Variants in STK39 observed in about 807,000 individuals in gnomAD.
STK39 encodes STE20/SPS1-related proline-alanine-rich protein kinase.
STK39 carries 20 observed loss-of-function variants against 77.8 expected under a neutral mutation model. The ratio of observed to expected loss-of-function variants is 0.26; its 90% CI spans 0.18 to 0.37. STK39 has a LOEUF of 0.37. Ranked by LOEUF, STK39 falls within the 10% of genes least tolerant of loss-of-function variation. The pLI is 1.00. For missense variants in STK39, 479 were observed against 656.5 expected (o/e 0.73, Z 2.95); for synonymous variants, 246 against 234.1 (o/e 1.05, Z -0.47).
At chr2:168,153,792 G>A (rs1402405910) in intron 5 of STK39, among the ~76,000 whole-genome samples, 1 of 152,178 alleles carries the variant, frequency 6.6e-6, no homozygotes, top group Non-Finnish European at 1.5e-5. Context: ...AGGCCGATTT[G>A]ACTGAAGAGG....
chr2:168,080,253 C>G (rs1308889420), intron 10 of STK39, among the ~76,000 whole-genome samples: 1 of 152,158 alleles, frequency 6.6e-6, no homozygotes, highest in African/African-American at 2.4e-5. Context: ...CAAGAGGTGA[C>G]TTGGGTGCTG....
intron 10 of STK39, among the ~76,000 whole-genome samples, chr2:168,089,808 T>A (rs1686469763): frequency 6.6e-6 from 1 of 152,182 alleles, no homozygotes; most frequent in African/African-American, 2.4e-5. Context: ...AGATGGGGCT[T>A]CTCCATGTTG....
chr2:168,224,555 T>C (rs139361229), intron 1 of STK39, among the ~76,000 whole-genome samples: 282 of 151,854 alleles, frequency 1.9e-3, no homozygotes, highest in Middle Eastern at 0.014. Flanking sequence ...AGCAATCAAA[T>C]AGAGATTAAC....
intron 10 of STK39, among the ~76,000 whole-genome samples, chr2:168,127,783 A>G (rs895600752): frequency 6.6e-6 from 1 of 152,226 alleles, no homozygotes; most frequent in South Asian, 2.1e-4. Flanking sequence ...AAGAAAGAAT[A>G]GAAACGGGGA....
At chr2:167,965,737 A>G (rs1363120957) in intron 16 of STK39, among the ~76,000 whole-genome samples, 4 of 152,186 alleles carry the variant, frequency 2.6e-5, no homozygotes, top group Non-Finnish European at 5.9e-5. Flanking sequence ...GTAGTTAGGT[A>G]TTGAAGTTAC....
At chr2:168,176,375 C>G (rs969762054) in intron 2 of STK39, among the ~76,000 whole-genome samples, 1 of 151,994 alleles carries the variant, frequency 6.6e-6, no homozygotes, top group Non-Finnish European at 1.5e-5. Flanking sequence ...GTCACCAAAT[C>G]TTTTAATTTA....
chr2:168,140,758 TCTG>T lies in STK39; in HGVS notation c.629-3_629-1del. ...TGCTAGGAACGCACTTACCCCAAAA[TCTG>T]AAAGGGAAAAAAAAATCACCTTTAT... On this transcript the variant is annotated splice_acceptor_variant and splice_polypyrimidine_tract_variant and intron_variant, in intron 5 of 17. Coordinates refer to ENST00000355999, the MANE Select transcript of STK39 (RefSeq NM_013233.3). LOFTEE classifies it high-confidence loss of function. 6.3e-7 allele frequency: 1 copy of T among 1,574,902 alleles called. No homozygotes were observed. The highest frequency in any genetic ancestry group is 2.0e-5 in the Admixed American group (1 of 50,876).
chr2:168,003,556 A>G (rs1684053149), intron 16 of STK39, among the ~76,000 whole-genome samples: 1 of 152,230 alleles, frequency 6.6e-6, no homozygotes, highest in Non-Finnish European at 1.5e-5. Context: ...TGCCTTTTTG[A>G]AAACAGAAAC....
chr2:168,062,030 G>T (rs1242792285), intron 14 of STK39, among the ~76,000 whole-genome samples: 5 of 152,286 alleles, frequency 3.3e-5, no homozygotes, highest in East Asian at 1.9e-4. Flanking sequence ...TATTAAAGGG[G>T]CCATCATGGA....
At chr2:168,093,466 C>T (rs1452899616) in intron 10 of STK39, among the ~76,000 whole-genome samples, 2 of 152,162 alleles carry the variant, frequency 1.3e-5, no homozygotes, top group Admixed American at 1.3e-4. Flanking sequence ...GAGACTTATT[C>T]ACTGTCACAA....
intron 2 of STK39, among the ~76,000 whole-genome samples, chr2:168,175,029 T>C (rs1016629898): frequency 1.3e-5 from 2 of 152,146 alleles, no homozygotes; most frequent in African/African-American, 4.8e-5. Context: ...GCACCCTGGA[T>C]ACTGTGTGCC....
intron 14 of STK39, among the ~76,000 whole-genome samples, chr2:168,053,817 A>G (rs1412860046): frequency 1.3e-5 from 2 of 152,174 alleles, no homozygotes; most frequent in African/African-American, 4.8e-5. Context: ...ATCTCCCTAT[A>G]CCATATCATC....
chr2:168,037,986 T>G (rs938560876), intron 14 of STK39, among the ~76,000 whole-genome samples: 1 of 152,144 alleles, frequency 6.6e-6, no homozygotes, highest in African/African-American at 2.4e-5. Context: ...AGGCAGAGAA[T>G]TGAACTAAAA....
At chr2:167,961,409 C>T (rs1164744403) in intron 17 of STK39, among the ~76,000 whole-genome samples, 1 of 152,160 alleles carries the variant, frequency 6.6e-6, no homozygotes, top group Admixed American at 6.5e-5. Context: ...AATTTGTATT[C>T]TATCTTCAAA....
intron 10 of STK39, among the ~76,000 whole-genome samples, chr2:168,086,245 GACT>G (rs72439127): frequency 0.015 from 2,253 of 152,210 alleles, 49 homozygotes; most frequent in African/African-American, 0.052. Context: ...CCAGATAACA[GACT>G]CTACCACACA....
chr2:168,048,403 G>T (rs868268074), intron 14 of STK39, among the ~76,000 whole-genome samples: 1 of 151,986 alleles, frequency 6.6e-6, no homozygotes, highest in Non-Finnish European at 1.5e-5. Flanking sequence ...TAGTAGAGAC[G>T]GGGTTTCACC....
intron 13 of STK39, 119 bp downstream of exon 13, chr2:168,065,200 C>T: frequency 2.9e-6 from 3 of 1,036,450 alleles, no homozygotes; most frequent in Non-Finnish European, 1.5e-6. Context: ...AAAAAGACAG[C>T]TTATAAGCCC....
intron 5 of STK39, among the ~76,000 whole-genome samples, chr2:168,153,469 GT>G (rs1176914207): frequency 6.6e-6 from 1 of 152,188 alleles, no homozygotes; most frequent in Non-Finnish European, 1.5e-5. Context: ...TACCTCTAGA[GT>G]TTCCGATTCA....
intron 14 of STK39, among the ~76,000 whole-genome samples, chr2:168,050,029 C>T (rs1395730249): frequency 6.6e-6 from 1 of 152,192 alleles, no homozygotes; most frequent in Non-Finnish European, 1.5e-5. Context: ...CTCTTATCAG[C>T]TGAAAGGGAT....
Sources: gnomAD v4.1 joint callset for allele counts (sites outside exome capture counted in the v4.1 genomes callset) on GRCh38, gnomAD v4.1.1 for gene constraint, MANE v1.5 for transcripts, NCBI Gene and HGNC (gene_info 2026-07-23, HGNC 2026-07-21) for gene names.